Variants in PCSK5 observed in about 807,000 individuals in gnomAD.
PCSK5 encodes prohormone convertase 5.
PCSK5 carries 129 observed loss-of-function variants against 233.2 expected under a neutral mutation model. The ratio of observed to expected loss-of-function variants is 0.55; its 90% CI spans 0.48 to 0.64. The LOEUF (loss-of-function observed/expected upper bound fraction) is 0.64, where lower values mean the gene tolerates loss of function less well. Among genes scored for constraint, PCSK5 ranks in the 30% least tolerant of loss-of-function variants. The pLI, the probability that PCSK5 is intolerant of heterozygous loss-of-function variation, is 0.00. For missense variants in PCSK5, 2,076 were observed against 2,430.1 expected, an observed-to-expected ratio of 0.85 and a Z score of 3.06; for synonymous variants, 825 against 879.2, an observed-to-expected ratio of 0.94 and a Z score of 1.09.
rs113679454 is a variant in PCSK5 at position 76,352,262 on chromosome 9, G to A, written c.5067+1334G>A. 3.4e-3 allele frequency among the ~76,000 whole-genome samples: 525 copies of A among 152,276 alleles called. 5 individuals are homozygous for A. Among genetic ancestry groups the A allele is most frequent in the African/African-American group, 0.012 (502 of 41,548 alleles). On this transcript the variant is annotated intron_variant, in intron 36 of 37. Transcript: ENST00000674117. ...CATGGCATTTGTAAACTGCCACGGC[G>A]CTGGTGGGAGTGTAGCAGTGAGAAC...
intron 5 of PCSK5, among the ~76,000 whole-genome samples, chr9:76,041,827 A>G (rs370084573): frequency 4.7e-5 from 7 of 147,858 alleles, no homozygotes; most frequent in African/African-American, 1.8e-4. Context: ...TGACAGAGCA[A>G]GACTCTGTCT....
intron 2 of PCSK5, among the ~76,000 whole-genome samples, chr9:75,954,979 G>C (rs1011207313): frequency 4.6e-5 from 7 of 152,068 alleles, no homozygotes; most frequent in Non-Finnish European, 1.0e-4. Flanking sequence ...AAATAATTTG[G>C]AAATCTTTTA....
At chr9:76,098,768 G>A (rs144477646) in intron 8 of PCSK5, among the ~76,000 whole-genome samples, 208 of 152,312 alleles carry the variant, frequency 1.4e-3, no homozygotes, top group African/African-American at 4.5e-3. Flanking sequence ...AGGTGGTCTC[G>A]TCCAGATGGG....
intron 21 of PCSK5, 98 bp from the exon 22 acceptor site, chr9:76,233,362 C>G: frequency 8.0e-7 from 1 of 1,243,688 alleles, no homozygotes; most frequent in Non-Finnish European, 1.1e-6. Context: ...ACAATGAAGT[C>G]AAATCTGTCC....
intron 7 of PCSK5, among the ~76,000 whole-genome samples, chr9:76,085,048 C>A (rs1455313124): frequency 1.3e-5 from 2 of 152,188 alleles, no homozygotes; most frequent in Non-Finnish European, 2.9e-5. Context: ...TGAGTCTTGG[C>A]AAAGTTAGGC....
intron 1 of PCSK5, among the ~76,000 whole-genome samples, chr9:75,897,782 C>T (rs113512224): frequency 6.6e-6 from 1 of 151,962 alleles, no homozygotes; most frequent in African/African-American, 2.4e-5. Flanking sequence ...GCCACTGGGA[C>T]GAGGCAAGAT....
At chr9:76,219,623 A>G (rs1284786453) in intron 20 of PCSK5, among the ~76,000 whole-genome samples, 1 of 152,110 alleles carries the variant, frequency 6.6e-6, no homozygotes, top group Non-Finnish European at 1.5e-5. Flanking sequence ...CATCACTCCA[A>G]AGAGAAAGGA....
intron 2 of PCSK5, among the ~76,000 whole-genome samples, chr9:75,984,045 C>A (rs6560479): frequency 0.65 from 98,129 of 151,990 alleles, 31,884 homozygotes; most frequent in East Asian, 0.71. Context: ...AGTGACTTGT[C>A]GTCAAATCTA....
At chr9:76,286,843 G>A in intron 24 of PCSK5, 2 of 179,172 alleles carry the variant, frequency 1.1e-5, no homozygotes, top group Non-Finnish European at 2.3e-5. Flanking sequence ...CTTTCCTCTG[G>A]CTGCCTGGGA....
intron 24 of PCSK5, among the ~76,000 whole-genome samples, chr9:76,289,814 T>C (rs964095564): frequency 2.0e-5 from 3 of 151,614 alleles, no homozygotes; most frequent in African/African-American, 4.8e-5. Context: ...ATAAGCTGTA[T>C]AAGGCACAGT....
rs774353059 is a variant in PCSK5, at chr9:76,179,606, C to A, written c.1911C>A (p.Asp637Glu). The A allele has an allele frequency of 1.9e-6, 3 of 1,613,114 alleles. No individual in the cohort carries two copies. In the Admixed American group the frequency reaches 5.0e-5, roughly 27 times the overall value. Reference sequence around the variant, plus strand: ...ATGTCTTTTGGAAAGGTCCCTGCGACCCTGAGTGCAGTGAGGTTGGCTGTG... The same window carrying A: ...ATGTCTTTTGGAAAGGTCCCTGCGAACCTGAGTGCAGTGAGGTTGGCTGTG... ...YGTEDYAGPC[D>E]PECSEVGCDG... Residue 637 changes from aspartate (D) to glutamate (E), a missense_variant, in exon 15 of 38, where the codon GAC (aspartate) becomes GAA (glutamate). By Grantham distance (45) the Asp-to-Glu change is conservative (BLOSUM62 2). Transcript: ENST00000674117.
At chr9:75,966,027 G>T (rs569195767) in intron 2 of PCSK5, among the ~76,000 whole-genome samples, 19 of 152,278 alleles carry the variant, frequency 1.2e-4, no homozygotes, top group African/African-American at 3.6e-4. Flanking sequence ...GGTGTCATAA[G>T]GTAGACAAGT....
chr9:76,238,970 C>T lies in PCSK5; in HGVS notation c.2878C>T (p.Arg960Ter), dbSNP rs1486517830. Residue 960 changes from arginine to a stop codon, truncating the protein, a stop_gained, in exon 23 of 38, where the codon CGA becomes TGA. Coordinates refer to ENST00000674117, the MANE Select transcript of PCSK5 (RefSeq NM_001372043.1). LOFTEE classifies it high-confidence loss of function. The stretch of plus-strand genomic sequence containing the variant: ...CTGTAACTGATCAGACAACTATGGC[C>T]GAGAGCACTTCCTGTACCAGGGAGA... The part of the protein sequence containing the change: ...CTSCGADNYG[R>*]EHFLYQGECG... The T allele has an allele frequency of 1.1e-5, 17 of 1,611,778 alleles. No individual in the cohort carries two copies. Among genetic ancestry groups the T allele is most frequent in the Non-Finnish European group, 1.4e-5 (17 of 1,179,322 alleles).
intron 8 of PCSK5, among the ~76,000 whole-genome samples, chr9:76,102,294 C>G (rs950332514): frequency 9.2e-5 from 14 of 152,110 alleles, no homozygotes; most frequent in African/African-American, 3.4e-4. Context: ...CCTCTATTTC[C>G]TTAGCTAATA....
intron 24 of PCSK5, among the ~76,000 whole-genome samples, chr9:76,271,690 A>G (rs1275870692): frequency 6.6e-6 from 1 of 152,156 alleles, no homozygotes; most frequent in Admixed American, 6.5e-5. Context: ...AAAATTAAAA[A>G]TGGATGGCTT....
chr9:76,018,476 C>A (rs1346869830), intron 3 of PCSK5, among the ~76,000 whole-genome samples: 2 of 151,784 alleles, frequency 1.3e-5, no homozygotes, highest in South Asian at 4.1e-4. Context: ...CAGAGGAGCA[C>A]CAACCCTATT....
chr9:76,050,856 A>G (rs764790834), intron 5 of PCSK5, among the ~76,000 whole-genome samples: 2 of 152,106 alleles, frequency 1.3e-5, no homozygotes, highest in Non-Finnish European at 2.9e-5. Flanking sequence ...CTTCACCAAG[A>G]GAGTCCAGCA....
chr9:76,190,308 A>G (rs961195652), intron 20 of PCSK5, among the ~76,000 whole-genome samples: 7 of 144,038 alleles, frequency 4.9e-5, no homozygotes, highest in African/African-American at 1.8e-4. Context: ...TGAATTACCT[A>G]CTCATCTCTC....
At position 76,323,122 on chromosome 9, in the gene PCSK5, C is replaced by T. The variant is rs773552920; in HGVS notation, c.4173C>T (p.Asp1391=). ...HQSCPRGFYA[D]SRHCVPCHKD... The stretch of plus-strand genomic sequence containing the variant: ...CCTGTCCCCGTGGCTTCTATGCAGA[C>T]TCGCGCCACTGTGTCCCCTGCCATA... The change falls in exon 32 of 38, where the codon GAC becomes GAT. Residue 1391 remains aspartate, a synonymous_variant. Transcript: ENST00000674117. 7.4e-6 allele frequency: 12 copies of T among 1,612,054 alleles called. No individual in the cohort carries two copies. Among genetic ancestry groups the T allele is most frequent in the Non-Finnish European group, 1.0e-5 (12 of 1,179,496 alleles).
Sources: allele counts gnomAD v4.1 joint callset (sites outside exome capture counted in the v4.1 genomes callset), GRCh38; gene constraint gnomAD v4.1.1; transcripts MANE v1.5; gene names NCBI Gene and HGNC (gene_info 2026-07-23, HGNC 2026-07-21).